Variants in MMP16 observed in about 807,000 individuals in gnomAD.
MMP16 encodes the protein matrix metallopeptidase 16, also known as matrix metalloproteinase-16.
A neutral mutation model predicts 67.8 loss-of-function variants in MMP16; 12 were observed. The observed-to-expected ratio is 0.18, with a 90% CI of 0.11 to 0.29. MMP16 has a LOEUF of 0.29. MMP16 is among the 10% of genes least tolerant of loss of function. MMP16 has a pLI of 1.00. For missense variants in MMP16, 475 were observed against 765.7 expected, an observed-to-expected ratio of 0.62 and a Z score of 4.48; for synonymous variants, 249 against 255.9, an observed-to-expected ratio of 0.97 and a Z score of 0.26.
chr8:88,202,823 A>G (rs1212904064), intron 1 of MMP16, among the ~76,000 whole-genome samples: 2 of 152,096 alleles, frequency 1.3e-5, no homozygotes, highest in Admixed American at 1.3e-4. Context: ...TTTATATCAC[A>G]ATTACCTAAA....
intron 1 of MMP16, among the ~76,000 whole-genome samples, chr8:88,287,573 C>T (rs1330538665): frequency 6.6e-6 from 1 of 152,120 alleles, no homozygotes; most frequent in African/African-American, 2.4e-5. Flanking sequence ...TGTTACATCC[C>T]CTCCACCTAA....
chr8:88,241,157 G>T (rs1422988631), intron 1 of MMP16, among the ~76,000 whole-genome samples: 1 of 150,152 alleles, frequency 6.7e-6, no homozygotes, highest in Non-Finnish European at 1.5e-5. Context: ...AAAAAGACCA[G>T]AAACAACAAA....
chr8:88,160,761 G>A (rs2129680414), intron 4 of MMP16, among the ~76,000 whole-genome samples: 1 of 152,168 alleles, frequency 6.6e-6, no homozygotes, highest in Admixed American at 6.6e-5. Flanking sequence ...AATACCATTT[G>A]ACCCAGCCAT....
Position 88,299,631 on chromosome 8 carries a change from T to A in MMP16, c.132+27444A>T, listed in dbSNP as rs1222018577. ...CTTGAATTGTCACTACTTCATCTAA[T>A]AAGTCAATTTGAGGTGATTTAGTAT... On this transcript the variant is annotated intron_variant, in intron 1 of 9. Coordinates refer to ENST00000286614, the MANE Select transcript of MMP16 (RefSeq NM_005941.5). Among the ~76,000 whole-genome samples the A allele has an allele frequency of 2.0e-5, 3 of 152,218 alleles. No homozygotes were observed. In the East Asian group the frequency reaches 5.8e-4, roughly 29 times the overall value.
At chr8:88,101,894 T>C (rs1438219638) in intron 6 of MMP16, among the ~76,000 whole-genome samples, 1 of 151,880 alleles carries the variant, frequency 6.6e-6, no homozygotes, top group Non-Finnish European at 1.5e-5. Flanking sequence ...TCTGATTCTC[T>C]TCATAATTTG....
At chr8:88,052,672 C>A (rs1299322617) in intron 8 of MMP16, among the ~76,000 whole-genome samples, 3 of 152,228 alleles carry the variant, frequency 2.0e-5, no homozygotes, top group Admixed American at 2.0e-4. Context: ...ACCAGTTTGA[C>A]TTCTTCCACC....
At chr8:88,266,814 A>G (rs1464052822) in intron 1 of MMP16, among the ~76,000 whole-genome samples, 2 of 152,116 alleles carry the variant, frequency 1.3e-5, no homozygotes, top group Admixed American at 6.6e-5. Flanking sequence ...TCCTCTACCA[A>G]ATTTTATCTT....
At chr8:88,066,895 G>A (rs2118254355) in intron 7 of MMP16, among the ~76,000 whole-genome samples, 1 of 151,938 alleles carries the variant, frequency 6.6e-6, no homozygotes, top group Middle Eastern at 3.4e-3. Flanking sequence ...AAATTACAGA[G>A]CAAAAATAAA....
At chr8:88,320,728 C>T (rs1811446182) in intron 1 of MMP16, among the ~76,000 whole-genome samples, 1 of 152,080 alleles carries the variant, frequency 6.6e-6, no homozygotes, top group Non-Finnish European at 1.5e-5. Context: ...TTCTTCCAAG[C>T]CATTGGAGTC....
rs1808202254 is a variant in MMP16 at position 88,046,599 on chromosome 8, C to T, written c.1489+70G>A. On this transcript the variant is annotated intron_variant, in intron 9 of 9. Transcript: ENST00000286614. ...AGCACTTTCCAATGGCTTAATTTAG[C>T]AGAGTGAAAAAGCCTAATGTGTTAC... 4 of 922,156 alleles carry T rather than the reference C, an allele frequency of 4.3e-6. No homozygotes were observed. In the South Asian group the frequency reaches 6.9e-5, roughly 16 times the overall value. The allele number at this position is 922,156 out of a possible 1,614,324, so 57.1% of individuals were successfully genotyped here. A position where few individuals can be genotyped will look rare whatever the true frequency, so the allele number is the denominator to read the frequency against.
At chr8:88,202,040 G>C (rs1809352269) in intron 1 of MMP16, among the ~76,000 whole-genome samples, 1 of 152,152 alleles carries the variant, frequency 6.6e-6, no homozygotes, top group African/African-American at 2.4e-5. Flanking sequence ...TCACAAGGCA[G>C]AAATTAGCCT....
At chr8:88,315,658 CCT>C (rs1206341428) in intron 1 of MMP16, among the ~76,000 whole-genome samples, 1 of 152,152 alleles carries the variant, frequency 6.6e-6, no homozygotes, top group African/African-American at 2.4e-5. Flanking sequence ...CATCTCTTTC[CCT>C]CTCTTTGGGC....
intron 1 of MMP16, among the ~76,000 whole-genome samples, chr8:88,308,285 G>T (rs1314857354): frequency 6.6e-6 from 1 of 151,968 alleles, no homozygotes; most frequent in Non-Finnish European, 1.5e-5. Flanking sequence ...GTGTTCAAAG[G>T]GACCTTTTGT....
chr8:88,320,381 GTTAT>G lies in MMP16; in HGVS notation c.132+6690_132+6693del, dbSNP rs550813853. ...CTATAAAACCACAATTATTTCATTAGTTATTTTAGTTAAAACAGGAACACCAAAA... is the reference window on the plus strand; with the variant it reads ...CTATAAAACCACAATTATTTCATTAGTTTAGTTAAAACAGGAACACCAAAA... On this transcript the variant is annotated intron_variant, in intron 1 of 9. Coordinates refer to ENST00000286614, the MANE Select transcript of MMP16 (RefSeq NM_005941.5). Among the ~76,000 whole-genome samples the G allele has an allele frequency of 1.1e-4, 17 of 152,086 alleles. No individual in the cohort carries two copies. The East Asian group carries it at 3.3e-3, about 29-fold the overall frequency.
At chr8:88,170,723 A>G (rs750097888) in intron 3 of MMP16, among the ~76,000 whole-genome samples, 3 of 152,206 alleles carry the variant, frequency 2.0e-5, no homozygotes, top group Non-Finnish European at 4.4e-5. Context: ...AGAAGGAGCC[A>G]AAGATGCCTA....
intron 7 of MMP16, among the ~76,000 whole-genome samples, chr8:88,059,438 T>C (rs1184268009): frequency 6.6e-6 from 1 of 152,122 alleles, no homozygotes; most frequent in Non-Finnish European, 1.5e-5. Context: ...GTATCTATAG[T>C]TATCTGATGG....
At chr8:88,219,845 T>C (rs1001487129) in intron 1 of MMP16, among the ~76,000 whole-genome samples, 1 of 152,104 alleles carries the variant, frequency 6.6e-6, no homozygotes, top group African/African-American at 2.4e-5. Flanking sequence ...AATTTTTGAG[T>C]TGAATTTTTC....
chr8:88,142,625 C>T (rs1808231533), intron 4 of MMP16, among the ~76,000 whole-genome samples: 1 of 151,976 alleles, frequency 6.6e-6, no homozygotes, highest in Non-Finnish European at 1.5e-5. Context: ...GAAAGATTTA[C>T]TAGAAATTAT....
chr8:88,228,445 A>G (rs1809805102), intron 1 of MMP16, among the ~76,000 whole-genome samples: 1 of 152,088 alleles, frequency 6.6e-6, no homozygotes, highest in African/African-American at 2.4e-5. Flanking sequence ...GACAAGGTAA[A>G]ATGCTTATGT....
Sources: allele counts gnomAD v4.1 joint callset (sites outside exome capture counted in the v4.1 genomes callset), GRCh38; gene constraint gnomAD v4.1.1; transcripts MANE v1.5; gene names NCBI Gene and HGNC (gene_info 2026-07-23, HGNC 2026-07-21).